The following RPS6KA2 variants were observed in gnomAD, a reference collection of about 807,000 sequenced individuals.
The protein encoded by RPS6KA2 is ribosomal protein S6 kinase A2, also known as ribosomal protein S6 kinase alpha-2.
In RPS6KA2, 42 loss-of-function variants were observed where a neutral mutation model predicts 91.8. That is an observed-to-expected ratio of 0.46 (90% CI 0.36 to 0.59). The LOEUF (loss-of-function observed/expected upper bound fraction) is 0.59, where lower values mean the gene tolerates loss of function less well. RPS6KA2 is among the 20% of genes least tolerant of loss of function. The pLI, the probability that RPS6KA2 is intolerant of heterozygous loss-of-function variation, is 0.00. For missense variants in RPS6KA2, 798 were observed against 978.5 expected, an observed-to-expected ratio of 0.82 and a Z score of 2.46; for synonymous variants, 414 against 393.6, an observed-to-expected ratio of 1.05 and a Z score of -0.61.
In RPS6KA2 at chr6:166,458,252, T is replaced by C. The variant is rs554933879; in HGVS notation, c.1075+1197A>G. Among the ~76,000 whole-genome samples, 256 of 152,288 alleles carry C rather than the reference T, an allele frequency of 1.7e-3. 2 individuals are homozygous for C. The highest frequency in any genetic ancestry group is 5.7e-3 in the African/African-American group (237 of 41,558). On this transcript the variant is annotated intron_variant, in intron 12 of 20. Coordinates refer to ENST00000265678, the MANE Select transcript of RPS6KA2 (RefSeq NM_021135.6). ...GTTGTAGGAGGGACCTGGTGGGAGA[T>C]GACTGAATTATGGGGGTGGGTCTTT...
In RPS6KA2 at chr6:166,626,974, C is replaced by G. The variant is rs1786906585; in HGVS notation, c.46G>C (p.Val16Leu). The G allele has an allele frequency of 6.4e-7, 1 of 1,565,486 alleles. No individual in the cohort carries two copies. ...KKFAVRRFFS[V>L]YLRRKSRSKS... ...GAGCGCGACTTCCTGCGCAGGTACA[C>G]AGAGAAGAACCTGCGCACGGCGAAC... Residue 16 changes from valine to leucine, a missense_variant, in exon 1 of 21, where the codon GTG (valine) becomes CTG (leucine). Transcript: ENST00000265678. This position sits in a 1 kb window ranked among gnomAD's most constrained non-coding sequence, Gnocchi z 4.1.
intron 2 of RPS6KA2, among the ~76,000 whole-genome samples, chr6:166,823,465 G>A (rs886973738): frequency 1.3e-5 from 2 of 151,476 alleles, no homozygotes; most frequent in Non-Finnish European, 2.9e-5. Flanking sequence ...GTGTGTGTGT[G>A]TGTGTGTGTA....
chr6:166,784,922 G>C (rs1778891135), intron 2 of RPS6KA2, among the ~76,000 whole-genome samples: 1 of 152,188 alleles, frequency 6.6e-6, no homozygotes, highest in Admixed American at 6.5e-5. Flanking sequence ...TGTGCTTCCT[G>C]GCTTCTGTTG....
At position 166,749,703 on chromosome 6, in the gene RPS6KA2, G is replaced by A. The variant is rs144291445; in HGVS notation, c.123+108497C>T. On this transcript the variant is annotated intron_variant, in intron 2 of 21. Coordinates refer to the RPS6KA2 transcript ENST00000503859. ...TCTCCTCGGTCCCCCATTTCCTCAG[G>A]CCCCCACCTCCTCAGGCCCCCCATC... Among the ~76,000 whole-genome samples, 303 of 48,578 alleles carry A rather than the reference G, an allele frequency of 6.2e-3. 5 individuals carry two copies. Among genetic ancestry groups the A allele is most frequent in the Middle Eastern group, 0.019 (2 of 108 alleles). 31.9% of individuals were successfully genotyped at this position (48,578 alleles called of 152,430 possible). A position where few individuals can be genotyped will look rare whatever the true frequency, so the allele number is the denominator to read the frequency against.
intron 1 of RPS6KA2, among the ~76,000 whole-genome samples, chr6:166,558,766 A>G (rs1453855035): frequency 1.3e-5 from 2 of 152,222 alleles, no homozygotes; most frequent in African/African-American, 4.8e-5. Context: ...TAAAGCCCAC[A>G]CCGTGGAGAA....
intron 14 of RPS6KA2, among the ~76,000 whole-genome samples, chr6:166,441,930 T>C (rs548760667): frequency 6.6e-6 from 1 of 152,348 alleles, no homozygotes; most frequent in South Asian, 2.1e-4. Context: ...AGGAACCAGG[T>C]GCACTGTGCC....
At chr6:166,605,927 A>T (rs1319165875) in intron 1 of RPS6KA2, among the ~76,000 whole-genome samples, 2 of 152,248 alleles carry the variant, frequency 1.3e-5, no homozygotes, top group African/African-American at 2.4e-5. Context: ...TTGCAGGTTG[A>T]TGTGATTTAG....
At chr6:166,679,973 C>T (rs1368284008) in intron 2 of RPS6KA2, among the ~76,000 whole-genome samples, 1 of 152,214 alleles carries the variant, frequency 6.6e-6, no homozygotes, top group Admixed American at 6.5e-5. Flanking sequence ...GCCAGCTGGG[C>T]TTCTGGGATG....
At chr6:166,492,890 A>ATTTTT (rs71032807) in intron 8 of RPS6KA2, among the ~76,000 whole-genome samples, 1 of 103,578 alleles carries the variant, frequency 9.7e-6, no homozygotes, top group Non-Finnish European at 2.0e-5. Context: ...TAATTTTTGT[A>ATTTTT]TTTTTTTTTT....
intron 1 of RPS6KA2, among the ~76,000 whole-genome samples, chr6:166,579,977 C>A (rs990019418): frequency 1.3e-5 from 2 of 152,210 alleles, no homozygotes; most frequent in African/African-American, 4.8e-5. Flanking sequence ...TTCCTAACTG[C>A]GACCTTTAGA....
intron 1 of RPS6KA2, among the ~76,000 whole-genome samples, chr6:166,622,324 G>A (rs924947217): frequency 2.0e-5 from 3 of 151,954 alleles, no homozygotes; most frequent in Non-Finnish European, 4.4e-5. Context: ...CCACAAATAA[G>A]GAATTAAGCT....
At chr6:166,552,773 A>C (rs958952791) in intron 1 of RPS6KA2, among the ~76,000 whole-genome samples, 2 of 152,068 alleles carry the variant, frequency 1.3e-5, no homozygotes, top group African/African-American at 4.8e-5. Context: ...CGAGGATGCT[A>C]TTTCCGAATT....
At chr6:166,622,916 T>C (rs986793900) in intron 1 of RPS6KA2, among the ~76,000 whole-genome samples, 1 of 152,240 alleles carries the variant, frequency 6.6e-6, no homozygotes, top group Non-Finnish European at 1.5e-5. Flanking sequence ...AGGGCAGGGA[T>C]CCTATTTTTA....
chr6:166,546,210 G>T lies in RPS6KA2; in HGVS notation c.100-7426C>A, dbSNP rs549948988. 6.6e-5 allele frequency among the ~76,000 whole-genome samples: 10 copies of T among 152,310 alleles called. No homozygotes were observed. The East Asian group carries it at 1.9e-3, about 29-fold the overall frequency. The stretch of plus-strand genomic sequence containing the variant: ...TGAGTGTATTAAGATGCACAGGAAC[G>T]ATCTCCGAGAAGCCTCACACTCGGG... On this transcript the variant is annotated intron_variant, in intron 1 of 20. Transcript: ENST00000265678.
At chr6:166,461,196 C>A (rs1004201638) in intron 11 of RPS6KA2, among the ~76,000 whole-genome samples, 5 of 152,216 alleles carry the variant, frequency 3.3e-5, no homozygotes. Flanking sequence ...GAATTATTTG[C>A]TCATTTCCTG....
At chr6:166,750,346 C>T (rs1454284237) in intron 2 of RPS6KA2, among the ~76,000 whole-genome samples, 1 of 152,162 alleles carries the variant, frequency 6.6e-6, no homozygotes, top group Non-Finnish European at 1.5e-5. Context: ...TTCTCACCAG[C>T]CTTGGAGGCC....
chr6:166,647,004 A>G (rs918899360), intron 2 of RPS6KA2, among the ~76,000 whole-genome samples: 2 of 152,190 alleles, frequency 1.3e-5, no homozygotes, highest in African/African-American at 2.4e-5. Context: ...CTCCTACCCC[A>G]GTTCAGAGCC....
chr6:166,859,344 C>T (rs1246045935), intron 1 of RPS6KA2, among the ~76,000 whole-genome samples: 3 of 152,230 alleles, frequency 2.0e-5, no homozygotes, highest in African/African-American at 7.2e-5. Flanking sequence ...CCTTACTCAT[C>T]ATTTCTCCCA....
intron 12 of RPS6KA2, among the ~76,000 whole-genome samples, chr6:166,452,673 C>A (rs1562503636): frequency 6.6e-6 from 1 of 152,120 alleles, no homozygotes; most frequent in Non-Finnish European, 1.5e-5. Flanking sequence ...AATAAAGCCA[C>A]ATGCAAAGTC....
Sources: allele counts gnomAD v4.1 joint callset (sites outside exome capture counted in the v4.1 genomes callset), GRCh38; gene constraint gnomAD v4.1.1; non-coding constraint Gnocchi (gnomAD v3.1); transcripts MANE v1.5; gene names NCBI Gene and HGNC (gene_info 2026-07-23, HGNC 2026-07-21).